Variants in TXNDC11 observed in about 807,000 individuals in gnomAD.
TXNDC11 encodes thioredoxin domain-containing protein 11.
In TXNDC11, 68 loss-of-function variants were observed where a neutral mutation model predicts 78.0. The observed-to-expected ratio is 0.87, with a 90% CI of 0.72 to 1.07. The LOEUF is 1.07. Ranked by LOEUF, TXNDC11 falls within the 50% of genes least tolerant of loss-of-function variation. The pLI is 0.00. For synonymous variants in TXNDC11, 571 were observed against 495.2 expected, an observed-to-expected ratio of 1.15 and a Z score of -2.03; for missense variants, 1,389 against 1,221.8, an observed-to-expected ratio of 1.14 and a Z score of -2.04.
At chr16:11,720,509 G>A (rs1039625865) in intron 5 of TXNDC11, among the ~76,000 whole-genome samples, 6 of 146,588 alleles carry the variant, frequency 4.1e-5, no homozygotes, top group Admixed American at 2.8e-4. Flanking sequence ...TCCGCCTCCC[G>A]GGTTCAATCG....
intron 10 of TXNDC11, 63 bp from the exon 11 acceptor site, chr16:11,684,308 C>T (rs923317943): frequency 1.6e-6 from 2 of 1,260,006 alleles, no homozygotes; most frequent in Non-Finnish European, 2.3e-6. Flanking sequence ...CTTGAAAGAA[C>T]CTTCTCAGAT....
At chr16:11,716,167 G>C (rs2051521730) in intron 5 of TXNDC11, among the ~76,000 whole-genome samples, 1 of 152,226 alleles carries the variant, frequency 6.6e-6, no homozygotes, top group Non-Finnish European at 1.5e-5. Flanking sequence ...AGGCATTGCT[G>C]CCTCCCAGCC....
rs2050374620 is a variant in TXNDC11 at position 11,679,816 on chromosome 16, G to T, written c.2256C>A (p.Tyr752Ter). The T allele has an allele frequency of 6.2e-7, 1 of 1,612,906 alleles. No individual in the cohort carries two copies. Among genetic ancestry groups the T allele is most frequent in the African/African-American group, 1.3e-5 (1 of 75,018 alleles). The stretch of plus-strand genomic sequence containing the variant: ...GAAGGGTGATGGGGACGTCTTCGGG[G>T]TATTTCACACTTAGGTCCTTTCTGG... Reference protein sequence around the residue: ...PCNRKDLSVKYPEDVPITLPN... With the variant: ...PCNRKDLSVK Residue 752 changes from tyrosine (Y) to a stop codon, truncating the protein, a stop_gained, in exon 12 of 12, where the codon TAC becomes TAA. Transcript: ENST00000283033. LOFTEE classifies it low-confidence loss of function (END_TRUNC). This position sits in a 1 kb window ranked among gnomAD's most constrained non-coding sequence, Gnocchi z 4.6.
chr16:11,703,872 A>T (rs2051103862), intron 5 of TXNDC11: 1 of 566,990 alleles, frequency 1.8e-6, no homozygotes, highest in Admixed American at 2.6e-5. Flanking sequence ...CGGGTGGATC[A>T]CCTGAGGTCA....
Position 11,709,816 on chromosome 16 carries a change from A to T in TXNDC11, c.794-9252T>A, listed in dbSNP as rs960231420. Among the ~76,000 whole-genome samples, 12 of 152,190 alleles carry T rather than the reference A, an allele frequency of 7.9e-5. 1 individual carries two copies. The highest frequency in any genetic ancestry group is 7.9e-4 in the Admixed American group (12 of 15,278). On this transcript the variant is annotated intron_variant, in intron 5 of 11. Coordinates refer to ENST00000283033, the MANE Select transcript of TXNDC11 (RefSeq NM_015914.7). ...AGTACATGATTTTAGGAGAAAATAA[A>T]CTGTAGTACTAAATACGCATTGTTA...
At chr16:11,697,647 G>A (rs896491848) in intron 7 of TXNDC11, among the ~76,000 whole-genome samples, 4 of 152,184 alleles carry the variant, frequency 2.6e-5, no homozygotes, top group Non-Finnish European at 5.9e-5. Context: ...AGAGAAACAA[G>A]GTGTCCCAAC....
At chr16:11,709,715 G>A (rs373007829) in intron 5 of TXNDC11, among the ~76,000 whole-genome samples, 1 of 152,022 alleles carries the variant, frequency 6.6e-6, no homozygotes, top group African/African-American at 2.4e-5. Context: ...GATTACAGGC[G>A]TGAGCCACCG....
In TXNDC11 at chr16:11,742,185, C is replaced by A. The variant is rs1208682988; in HGVS notation, c.254+292G>T. 7.7e-6 allele frequency: 3 copies of A among 388,362 alleles called. No homozygotes were observed. The Admixed American group carries it at 1.4e-4, about 18-fold the overall frequency. The allele number at this position is 388,362 out of a possible 1,614,324, so 24.1% of individuals were successfully genotyped here. A position where few individuals can be genotyped will look rare whatever the true frequency, so the allele number is the denominator to read the frequency against. ...AGCCCGGGCCGAAGTGACAGGTCCA[C>A]CCCTAGTGACTCCAACAGGTGAGGA... is the stretch of plus-strand genomic sequence containing the variant. On this transcript the variant is annotated intron_variant, in intron 1 of 11. Coordinates refer to ENST00000283033, the MANE Select transcript of TXNDC11 (RefSeq NM_015914.7).
chr16:11,722,479 C>T (rs933209613), intron 4 of TXNDC11, among the ~76,000 whole-genome samples: 4 of 152,182 alleles, frequency 2.6e-5, no homozygotes, highest in African/African-American at 4.8e-5. Flanking sequence ...CTGTAATAAT[C>T]GTATCTGTCT....
intron 10 of TXNDC11, among the ~76,000 whole-genome samples, chr16:11,685,450 C>T (rs2050540640): frequency 6.6e-6 from 1 of 152,030 alleles, no homozygotes; most frequent in South Asian, 2.1e-4. Context: ...TCGAGACCAT[C>T]CTGGCTAACG....
At chr16:11,703,747 A>G (rs2051100020) in intron 5 of TXNDC11, 2 of 701,386 alleles carry the variant, frequency 2.9e-6, no homozygotes, top group South Asian at 1.5e-5. Context: ...GGTTGATTCC[A>G]GAGCTGGGGT....
At chr16:11,738,415 G>A (rs1253280281) in intron 1 of TXNDC11, among the ~76,000 whole-genome samples, 2 of 152,228 alleles carry the variant, frequency 1.3e-5, no homozygotes, top group African/African-American at 4.8e-5. Context: ...CACTAAGGCT[G>A]CGGCAGCTAG....
rs573295057 is a variant in TXNDC11, at chr16:11,691,939, C to G, written c.1251G>C (p.Thr417=). ...TGTTGCAGCAGGGGGACGCTGTGAT[C>G]GTTGGCGGGTCTGGCAGCTGTGCCG... ...EVPAQLPDPP[T]ITASPCCNTV... Residue 417 remains threonine (T), a synonymous_variant, in exon 8 of 12, where the codon ACG becomes ACC. Coordinates refer to ENST00000283033, the MANE Select transcript of TXNDC11 (RefSeq NM_015914.7). 8 of 1,612,006 alleles carry G rather than the reference C, an allele frequency of 5.0e-6. No homozygotes were observed. Among genetic ancestry groups the G allele is most frequent in the Admixed American group, 1.7e-5 (1 of 60,002 alleles).
At chr16:11,721,549 C>T (rs1230264543) in intron 5 of TXNDC11, 28 bp downstream of exon 5, 1 of 1,279,828 alleles carries the variant, frequency 7.8e-7, no homozygotes, top group Admixed American at 1.8e-5. Flanking sequence ...ACTGAAGTAA[C>T]AATGTCTTAA....
chr16:11,679,908 C>G lies in TXNDC11; in HGVS notation c.2235-71G>C. ...CAATGAGTCCAAAAGCAGGCTGTAC[C>G]TGAGGCCAGGCCATCTACTTCTCAC... On this transcript the variant is annotated intron_variant, in intron 11 of 11. Coordinates refer to ENST00000283033, the MANE Select transcript of TXNDC11 (RefSeq NM_015914.7). This position sits in a 1 kb window ranked among gnomAD's most constrained non-coding sequence, Gnocchi z 4.6. 1 of 1,359,440 alleles carries G rather than the reference C, an allele frequency of 7.4e-7. No individual in the cohort carries two copies. The highest frequency in any genetic ancestry group is 1.0e-6 in the Non-Finnish European group (1 of 981,362). The allele number at this position is 1,359,440 out of a possible 1,614,324, so 84.2% of individuals were successfully genotyped here.
chr16:11,733,461 A>G (rs534482594), intron 3 of TXNDC11, among the ~76,000 whole-genome samples: 3 of 151,836 alleles, frequency 2.0e-5, no homozygotes, highest in African/African-American at 7.2e-5. Context: ...CGGGAGGCCG[A>G]GCTTGCAGTG....
At position 11,679,447 on chromosome 16, in the gene TXNDC11, G is replaced by A. The variant is rs750380668; in HGVS notation, c.2625C>T (p.Arg875=). The A allele has an allele frequency of 1.2e-6, 2 of 1,613,486 alleles. No homozygotes were observed. Among genetic ancestry groups the A allele is most frequent in the East Asian group, 2.2e-5 (1 of 44,852 alleles). Residue 875 remains arginine (R), a synonymous_variant, in exon 12 of 12, where the codon CGC becomes CGT. Transcript: ENST00000283033. The surrounding 1 kb of genome is among the most constrained non-coding windows in gnomAD (Gnocchi z 4.6). ...AGGCATCGGCCAGCTCCTGCAGCTT[G>A]CGGGCCAGCTCCTGCAGCTCACGTG... is the stretch of plus-strand genomic sequence containing the variant. ...QKTRELQELA[R]KLQELADASE...
intron 2 of TXNDC11, among the ~76,000 whole-genome samples, chr16:11,735,001 C>T (rs1342858512): frequency 6.6e-6 from 1 of 152,164 alleles, no homozygotes; most frequent in Non-Finnish European, 1.5e-5. Flanking sequence ...GAGTTCAAAA[C>T]GCCTGCCAAA....
At chr16:11,692,201 AC>A in intron 7 of TXNDC11, 119 bp from the exon 8 acceptor site, 1 of 756,090 alleles carries the variant, frequency 1.3e-6, no homozygotes, top group Non-Finnish European at 2.1e-6. Flanking sequence ...GTTCAAAAAT[AC>A]TAAATGGAAA....
Sources: allele counts gnomAD v4.1 joint callset (sites outside exome capture counted in the v4.1 genomes callset), GRCh38; gene constraint gnomAD v4.1.1; non-coding constraint Gnocchi (gnomAD v3.1); transcripts MANE v1.5; gene names NCBI Gene and HGNC (gene_info 2026-07-23, HGNC 2026-07-21).